The following DEAF1 variants were observed in gnomAD, a reference collection of about 807,000 sequenced individuals.
DEAF1 encodes DEAF1 transcription factor, also known as deformed epidermal autoregulatory factor 1 homolog.
A neutral mutation model predicts 58.9 loss-of-function variants in DEAF1; 53 were observed. The observed-to-expected ratio is 0.90, with a 90% CI of 0.72 to 1.13. The LOEUF is 1.13. Among genes scored for constraint, DEAF1 ranks in the 50% most tolerant of loss-of-function variants. DEAF1 has a pLI of 0.00. For synonymous variants in DEAF1, 385 were observed against 340.4 expected, an observed-to-expected ratio of 1.13 and a Z score of -1.44; for missense variants, 685 against 791.4, an observed-to-expected ratio of 0.87 and a Z score of 1.61.
In DEAF1 at chr11:695,001, G is replaced by A. The variant is rs1180174990; in HGVS notation, c.47C>T (p.Ala16Val). 5 of 1,219,984 alleles carry A rather than the reference G, an allele frequency of 4.1e-6. No individual in the cohort carries two copies. In the African/African-American group the frequency reaches 4.9e-5, roughly 12 times the overall value. The allele number at this position is 1,219,984 out of a possible 1,614,324, so 75.6% of individuals were successfully genotyped here. ...SAAKQLGLAE[A>V]AAVAAAAAVA... ...AGCGGCCGCGGCCGCCACCGCCGCC[G>A]CCTCAGCCAGGCCCAGCTGCTTTGC... The change falls in exon 1 of 12, where the codon GCG (alanine) becomes GTG (valine). Residue 16 changes from alanine (A) to valine (V), a missense_variant. Ala to Val is a moderately conservative substitution (Grantham distance 64). Around this residue, in one of 3 missense-constraint regions of DEAF1, gnomAD observed 210 missense variants for 177.3 expected, o/e 1.18. Transcript: ENST00000382409.
rs144928184 is a variant in DEAF1 at position 687,939 on chromosome 11, G to T, written c.636C>A (p.Gly212=). Residue 212 remains glycine (G), a synonymous_variant, in exon 4 of 12, where the codon GGC becomes GGA. Coordinates refer to ENST00000382409, the MANE Select transcript of DEAF1 (RefSeq NM_021008.4). ...AGCCGAGCCTGTTCTTGTACAGAGT[G>T]CCGCTGATGTTCCGGCACCGTACGG... ...ELPVRCRNIS[G]TLYKNRLGSG... is the part of the protein sequence containing the mutation. The T allele has an allele frequency of 3.7e-5, 59 of 1,614,006 alleles. No homozygotes were observed. The African/African-American group carries it at 7.1e-4, about 19-fold the overall frequency.
rs1323418319 is a variant in DEAF1, at chr11:686,947, C to T, written c.715G>A (p.Glu239Lys). The stretch of plus-strand genomic sequence containing the variant: ...GCTCTTCCTGCCATGGCCTCAAACT[C>T]GGTGGGACTGTACCAGTTCTCCCCC... ...KQGENWYSPTEFEAMAGRASS... is the reference protein window; with the variant it reads ...KQGENWYSPTKFEAMAGRASS... Residue 239 changes from glutamate (E) to lysine (K), a missense_variant, in exon 5 of 12, where the codon GAG (glutamate) becomes AAG (lysine). Around this residue, in one of 3 missense-constraint regions of DEAF1, gnomAD observed 132 missense variants for 234.3 expected, o/e 0.56. Coordinates refer to ENST00000382409, the MANE Select transcript of DEAF1 (RefSeq NM_021008.4). The T allele has an allele frequency of 6.2e-7, 1 of 1,614,230 alleles. No individual in the cohort carries two copies. The highest frequency in any genetic ancestry group is 8.5e-7 in the Non-Finnish European group (1 of 1,180,044).
intron 10 of DEAF1, among the ~76,000 whole-genome samples, chr11:662,120 A>C (rs1410954770): frequency 6.6e-6 from 1 of 152,146 alleles, no homozygotes; most frequent in Non-Finnish European, 1.5e-5. Flanking sequence ...AACATGGCAA[A>C]ATACAAAAAC....
intron 6 of DEAF1, 96 bp downstream of exon 6, chr11:684,802 A>G: frequency 9.6e-7 from 1 of 1,037,732 alleles, no homozygotes; most frequent in South Asian, 1.4e-5. Context: ...GGCAGAGGGC[A>G]GGAGGGAAAC....
intron 10 of DEAF1, among the ~76,000 whole-genome samples, chr11:667,385 A>AC (rs755733823): frequency 8.0e-5 from 10 of 124,878 alleles, no homozygotes; most frequent in African/African-American, 3.4e-4. Context: ...GGAAGGAAGG[A>AC]AGGAGAGAGG....
chr11:683,504 G>A (rs527743344), intron 6 of DEAF1, among the ~76,000 whole-genome samples: 12 of 152,170 alleles, frequency 7.9e-5, no homozygotes, highest in East Asian at 3.9e-4. Flanking sequence ...TTACTGTCAC[G>A]AGCCCGTAAG....
upstream of DEAF1, chr11:698,769 A>C: frequency 7.2e-7 from 1 of 1,397,520 alleles, no homozygotes; most frequent in East Asian, 2.3e-5. Context: ...ACGAGATCAA[A>C]GGAAAATAAA....
upstream of DEAF1, chr11:695,233 C>A (rs1050852528): frequency 4.1e-5 from 22 of 538,256 alleles, no homozygotes; most frequent in Non-Finnish European, 5.9e-5. Flanking sequence ...GCCCGCGGAG[C>A]GGAGCCGAGG....
At chr11:663,230 T>C (rs1359534704) in intron 10 of DEAF1, among the ~76,000 whole-genome samples, 3 of 152,244 alleles carry the variant, frequency 2.0e-5, no homozygotes, top group Non-Finnish European at 2.9e-5. Context: ...GTGGATCACC[T>C]GAACGCAGGA....
chr11:676,341 C>A (rs111587748), intron 9 of DEAF1, among the ~76,000 whole-genome samples: 7,020 of 19,762 alleles, frequency 0.36, 1,792 homozygotes, highest in East Asian at 0.75. Flanking sequence ...GACATCCCCC[C>A]AGCACCTGAC....
At position 694,796 on chromosome 11, in the gene DEAF1, G is replaced by A. The variant is rs1232046586; in HGVS notation, c.252C>T (p.Pro84=). 4 of 1,390,784 alleles carry A rather than the reference G, an allele frequency of 2.9e-6. No homozygotes were observed. The highest frequency in any genetic ancestry group is 3.2e-5 in the South Asian group (2 of 62,746). The allele number at this position is 1,390,784 out of a possible 1,614,324, so 86.2% of individuals were successfully genotyped here. Residue 84 remains proline, a synonymous_variant, in exon 1 of 12, where the codon CCC becomes CCT. Transcript: ENST00000382409. ...GHMDMGAEAL[P]GPDEAAAAAA... is the part of the protein sequence containing the mutation. ...CGGCAGCGGCGGCCTCGTCGGGGCC[G>A]GGCAGGGCCTCGGCGCCCATGTCCA...
chr11:696,351 C>A (rs1298922931), upstream of DEAF1, among the ~76,000 whole-genome samples: 4 of 152,166 alleles, frequency 2.6e-5, no homozygotes, highest in Non-Finnish European at 5.9e-5. Flanking sequence ...CATACGCGGG[C>A]GCTGAAGTGC....
In DEAF1 at chr11:672,569, G is replaced by A. The variant is rs149869721; in HGVS notation, c.1503+1967C>T. Among the ~76,000 whole-genome samples, 211 of 152,220 alleles carry A rather than the reference G, an allele frequency of 1.4e-3. 2 individuals carry two copies. Among genetic ancestry groups the A allele is most frequent in the East Asian group, 0.013 (68 of 5,186 alleles). On this transcript the variant is annotated intron_variant, in intron 10 of 11. Transcript: ENST00000382409. Reference sequence around the variant, plus strand: ...TTAAAAATTAAAAAATAAATAGGCCGGGCAAGGTGGCTCATGCCTGTAATC... The same window carrying A: ...TTAAAAATTAAAAAATAAATAGGCCAGGCAAGGTGGCTCATGCCTGTAATC...
intron 11 of DEAF1, among the ~76,000 whole-genome samples, chr11:650,001 G>A (rs931189694): frequency 1.1e-4 from 16 of 152,006 alleles, no homozygotes; most frequent in Non-Finnish European, 2.1e-4. Flanking sequence ...ACTCCAGCCT[G>A]GCGACAGAGT....
upstream of DEAF1, chr11:695,852 C>T: frequency 8.1e-7 from 1 of 1,229,244 alleles, no homozygotes; most frequent in African/African-American, 1.6e-5. Context: ...GCGAGGTGAG[C>T]TCGGGCGGGG....
At chr11:668,536 A>G (rs892618610) in intron 10 of DEAF1, among the ~76,000 whole-genome samples, 4 of 151,922 alleles carry the variant, frequency 2.6e-5, no homozygotes, top group Non-Finnish European at 4.4e-5. Flanking sequence ...TGAAGGAAAC[A>G]TTTTGGCCGG....
chr11:685,885 C>T (rs1171579348), intron 5 of DEAF1, among the ~76,000 whole-genome samples: 2 of 151,700 alleles, frequency 1.3e-5, no homozygotes, highest in Non-Finnish European at 2.9e-5. Flanking sequence ...TGGCTCACGC[C>T]TGTAATCCCA....
At chr11:689,202 CTTTTTTTTTT>C in intron 2 of DEAF1, among the ~76,000 whole-genome samples, 1 of 94,170 alleles carries the variant, frequency 1.1e-5, no homozygotes, top group East Asian at 3.3e-4. Flanking sequence ...TTTTCTTTTT[CTTTTTTTTTT>C]TTTTTTTTTT....
intron 10 of DEAF1, among the ~76,000 whole-genome samples, chr11:667,254 G>C (rs896705646): frequency 2.6e-5 from 4 of 151,886 alleles, no homozygotes; most frequent in African/African-American, 9.7e-5. Context: ...AGGAACTCAA[G>C]GCTGCATTGA....
Sources: allele counts gnomAD v4.1 joint callset (sites outside exome capture counted in the v4.1 genomes callset), GRCh38; gene constraint gnomAD v4.1.1; regional missense constraint gnomAD v4.1.1; transcripts MANE v1.5; gene names NCBI Gene and HGNC (gene_info 2026-07-23, HGNC 2026-07-21).